Variants in GRID1 observed in about 807,000 individuals in gnomAD.
GRID1 encodes glutamate receptor ionotropic, delta-1.
GRID1 carries 28 observed loss-of-function variants against 98.0 expected under a neutral mutation model. The observed-to-expected ratio is 0.29, with a 90% CI of 0.21 to 0.39. The LOEUF is 0.39. Ranked by LOEUF, GRID1 falls within the 10% of genes least tolerant of loss-of-function variation. The pLI, the probability that GRID1 is intolerant of heterozygous loss-of-function variation, is 1.00. For missense variants in GRID1, 1,111 were observed against 1,340.5 expected, an observed-to-expected ratio of 0.83 and a Z score of 2.67; for synonymous variants, 553 against 538.5, an observed-to-expected ratio of 1.03 and a Z score of -0.37.
At chr10:85,876,906 A>G (rs1332176923) in intron 5 of GRID1, among the ~76,000 whole-genome samples, 1 of 152,222 alleles carries the variant, frequency 6.6e-6, no homozygotes, top group African/African-American at 2.4e-5. Flanking sequence ...ACCCACCCCA[A>G]TACTGCGCTT....
At chr10:85,782,959 T>C (rs1363024737) in intron 8 of GRID1, among the ~76,000 whole-genome samples, 3 of 152,136 alleles carry the variant, frequency 2.0e-5, no homozygotes, top group African/African-American at 7.2e-5. Context: ...GGAAATAAAC[T>C]ACAGCCAGAA....
chr10:85,701,727 A>G (rs890055603), intron 12 of GRID1, among the ~76,000 whole-genome samples: 1 of 152,214 alleles, frequency 6.6e-6, no homozygotes, highest in African/African-American at 2.4e-5. Flanking sequence ...GTAACTCAGG[A>G]ATGAAAAACC....
At chr10:86,037,494 T>C (rs12783158) in intron 4 of GRID1, among the ~76,000 whole-genome samples, 13,930 of 152,226 alleles carry the variant, frequency 0.092, 695 homozygotes, top group Non-Finnish European at 0.12. Context: ...GTCTGTTCCA[T>C]AGGAAGAAAT....
intron 8 of GRID1, among the ~76,000 whole-genome samples, chr10:85,753,866 C>G (rs1301944621): frequency 4.6e-5 from 7 of 152,238 alleles, no homozygotes; most frequent in South Asian, 4.1e-4. Context: ...GGTGATACAC[C>G]AAGACTTTCA....
At chr10:86,150,487 G>C (rs1468289507) in intron 3 of GRID1, among the ~76,000 whole-genome samples, 1 of 152,210 alleles carries the variant, frequency 6.6e-6, no homozygotes, top group East Asian at 1.9e-4. Context: ...CAAATCTAGA[G>C]AAGTAATTTC....
intron 12 of GRID1, among the ~76,000 whole-genome samples, chr10:85,712,241 C>T (rs1841589931): frequency 6.6e-6 from 1 of 151,612 alleles, no homozygotes; most frequent in Non-Finnish European, 1.5e-5. Context: ...AAAACATGAT[C>T]CAACTATATG....
chr10:85,799,780 G>A (rs1842559101), intron 8 of GRID1, among the ~76,000 whole-genome samples: 1 of 152,006 alleles, frequency 6.6e-6, no homozygotes. Flanking sequence ...GAGGAGTAAT[G>A]ACTTCTGGTG....
At chr10:86,124,735 G>C (rs750286476) in intron 4 of GRID1, among the ~76,000 whole-genome samples, 1 of 152,196 alleles carries the variant, frequency 6.6e-6, no homozygotes, top group Non-Finnish European at 1.5e-5. Context: ...ACAGAGCCTA[G>C]TCCATATTCA....
intron 13 of GRID1, among the ~76,000 whole-genome samples, chr10:85,620,639 C>T (rs1335613714): frequency 6.6e-6 from 1 of 152,148 alleles, no homozygotes; most frequent in African/African-American, 2.4e-5. Flanking sequence ...AGGGACAGGG[C>T]TTGACTGTTA....
intron 3 of GRID1, among the ~76,000 whole-genome samples, chr10:86,155,806 T>A (rs1028724849): frequency 2.0e-5 from 3 of 152,110 alleles, no homozygotes; most frequent in African/African-American, 7.2e-5. Context: ...CATGAATCTC[T>A]AGCCGGGGCT....
At chr10:86,294,853 G>A (rs1375093820) in intron 2 of GRID1, among the ~76,000 whole-genome samples, 1 of 152,204 alleles carries the variant, frequency 6.6e-6, no homozygotes, top group Non-Finnish European at 1.5e-5. Context: ...GGACATGCCA[G>A]TGTTTTGAGG....
At chr10:85,647,786 G>A (rs928448751) in intron 12 of GRID1, 4 of 164,658 alleles carry the variant, frequency 2.4e-5, no homozygotes, top group Non-Finnish European at 2.7e-5. Context: ...GAGGCTGTAT[G>A]CTGCGGATCT....
At chr10:85,738,476 C>T (rs1450722139) in intron 8 of GRID1, among the ~76,000 whole-genome samples, 2 of 152,184 alleles carry the variant, frequency 1.3e-5, no homozygotes, top group African/African-American at 4.8e-5. Context: ...TGATGTTAAG[C>T]CCAGCAATTC....
At position 85,613,433 on chromosome 10, in the gene GRID1, G is replaced by A. The variant is rs143286261; in HGVS notation, c.2575C>T (p.Arg859Trp). Reference sequence around the variant, plus strand: ...TCCTTGGGGGTCTCCTGGTGGCACCGGTTGCTGTTCCACCACAACTCCAGG... The same window carrying A: ...TCCTTGGGGGTCTCCTGGTGGCACCAGTTGCTGTTCCACCACAACTCCAGG... The part of the protein sequence containing the change: ...AALELWWNSN[R>W]CHQETPKEDK... Residue 859 changes from arginine (R) to tryptophan (W), a missense_variant, in exon 15 of 16, where the codon CGG becomes TGG. Coordinates refer to ENST00000327946, the MANE Select transcript of GRID1 (RefSeq NM_017551.3). The A allele has an allele frequency of 4.5e-5, 73 of 1,613,346 alleles. No homozygotes were observed. The Middle Eastern group carries it at 3.0e-3, about 67-fold the overall frequency.
chr10:85,644,573 T>C (rs1263842366), intron 13 of GRID1, among the ~76,000 whole-genome samples: 1 of 152,238 alleles, frequency 6.6e-6, no homozygotes, highest in Non-Finnish European at 1.5e-5. Flanking sequence ...ACATCTTTCT[T>C]TATATTGTTA....
chr10:86,137,250 T>C (rs1242850120), intron 4 of GRID1, among the ~76,000 whole-genome samples: 3 of 152,270 alleles, frequency 2.0e-5, no homozygotes, highest in Admixed American at 1.3e-4. Flanking sequence ...AAAAGCTATA[T>C]GCTAAATGCT....
At chr10:85,611,353 A>T (rs1170387687) in intron 15 of GRID1, among the ~76,000 whole-genome samples, 1 of 152,186 alleles carries the variant, frequency 6.6e-6, no homozygotes, top group East Asian at 1.9e-4. Context: ...CTCTCCCTGC[A>T]TGTGGCTCAC....
At chr10:86,305,159 G>C (rs973238037) in intron 2 of GRID1, among the ~76,000 whole-genome samples, 2 of 150,892 alleles carry the variant, frequency 1.3e-5, no homozygotes, top group Non-Finnish European at 2.9e-5. Context: ...TTCTGCCCTA[G>C]ACTGTCTTCA....
chr10:85,609,622 A>G (rs945606086), intron 15 of GRID1, among the ~76,000 whole-genome samples: 1 of 152,186 alleles, frequency 6.6e-6, no homozygotes, highest in Admixed American at 6.5e-5. Flanking sequence ...GCCAGAACAG[A>G]GGGGCCATCT....
Sources: gnomAD v4.1 joint callset for allele counts (sites outside exome capture counted in the v4.1 genomes callset) on GRCh38, gnomAD v4.1.1 for gene constraint, MANE v1.5 for transcripts, NCBI Gene and HGNC (gene_info 2026-07-23, HGNC 2026-07-21) for gene names.